The following RTL9 variants were observed in gnomAD, a reference collection of about 807,000 sequenced individuals.
The protein encoded by RTL9 is retrotransposon Gag like 9.
A neutral mutation model predicts 44.7 loss-of-function variants in RTL9; 19 were observed. The ratio of observed to expected loss-of-function variants is 0.42; its 90% CI spans 0.30 to 0.62. The LOEUF (loss-of-function observed/expected upper bound fraction) is 0.62. Ranked by LOEUF, RTL9 falls within the 20% of genes least tolerant of loss-of-function variation. The pLI is 0.16. For missense variants in RTL9, 1,105 were observed against 1,080.6 expected (o/e 1.02, Z -0.32); for synonymous variants, 407 against 398.9 (o/e 1.02, Z -0.24).
chrX:110,432,059 T>C (rs755799602), intron 1 of RTL9, among the ~76,000 whole-genome samples: 131 of 111,856 alleles, frequency 1.2e-3, no homozygotes, highest in Non-Finnish European at 1.9e-3. Flanking sequence ...ATTCAACATT[T>C]CTTGAGCTTT....
At chrX:110,363,823 A>G in intron 1 of RTL9, among the ~76,000 whole-genome samples, 1 of 111,410 alleles carries the variant, frequency 9.0e-6, no homozygotes, top group Non-Finnish European at 1.9e-5. Context: ...AGAGTCAAAC[A>G]CTTTACATAA....
In RTL9 at chrX:110,455,252, C is replaced by A. The variant is rs139057034; in HGVS notation, c.4098C>A (p.Pro1366=). 1.9e-3 allele frequency: 2,322 copies of A among 1,207,089 alleles called. 3 individuals carry two copies. Among genetic ancestry groups the A allele is most frequent in the Non-Finnish European group, 2.4e-3 (2,101 of 893,668 alleles). ...ACTACCTGAAAGAGCATGGAGACCC[C>A]CAAGAAGGTCTTCATGATCACCTTG... The change falls in exon 2 of 2, where the codon CCC becomes CCA. Residue 1366 remains proline (P), a synonymous_variant. Transcript: ENST00000540313.
intron 1 of RTL9, among the ~76,000 whole-genome samples, chrX:110,382,553 T>C (rs545553700): frequency 4.5e-5 from 5 of 111,893 alleles, no homozygotes; most frequent in African/African-American, 1.6e-4. Flanking sequence ...TTTTGATATA[T>C]CATCCCAGTC....
At chrX:110,374,659 G>A (rs1216842892) in intron 1 of RTL9, among the ~76,000 whole-genome samples, 2 of 111,958 alleles carry the variant, frequency 1.8e-5, no homozygotes, top group African/African-American at 6.5e-5. Context: ...TGTTAAAGAA[G>A]GTTTCATAAA....
exon 1 of RTL9, chrX:110,453,852 C>A (rs2068963254): frequency 1.7e-6 from 2 of 1,209,929 alleles, no homozygotes; most frequent in East Asian, 5.9e-5. Flanking sequence ...GGCCTCAGGC[C>A]CTGGAACAAT....
chrX:110,453,741 A>G (rs774543726), exon 1 of RTL9: 2 of 1,211,511 alleles, frequency 1.7e-6, no homozygotes, highest in East Asian at 5.9e-5. Context: ...ATCGATGCCC[A>G]TGCCACTACC....
upstream of RTL9, among the ~76,000 whole-genome samples, chrX:110,447,806 A>G (rs1232476577): frequency 1.8e-5 from 2 of 111,041 alleles, no homozygotes; most frequent in African/African-American, 6.6e-5. Context: ...ACATCCCTAT[A>G]CCTAGGCTAC....
At chrX:110,397,059 C>G (rs759306230) in intron 1 of RTL9, among the ~76,000 whole-genome samples, 17 of 112,003 alleles carry the variant, frequency 1.5e-4, no homozygotes, top group Non-Finnish European at 3.2e-4. Context: ...TGCTCTCTGC[C>G]AAAGCAGATG....
At chrX:110,385,830 T>C (rs1341802905) in intron 1 of RTL9, among the ~76,000 whole-genome samples, 1 of 111,314 alleles carries the variant, frequency 9.0e-6, no homozygotes, top group Non-Finnish European at 1.9e-5. Context: ...TCCTCCCCTG[T>C]CTAGTAGTCT....
intron 1 of RTL9, among the ~76,000 whole-genome samples, chrX:110,425,263 G>A (rs1027845143): frequency 8.9e-6 from 1 of 112,733 alleles, no homozygotes; most frequent in Non-Finnish European, 1.9e-5. Flanking sequence ...AACCAAGGGA[G>A]TTAATGATGG....
intron 1 of RTL9, among the ~76,000 whole-genome samples, chrX:110,392,849 A>C (rs1215973346): frequency 8.9e-6 from 1 of 112,262 alleles, no homozygotes; most frequent in Non-Finnish European, 1.9e-5. Context: ...AAGGCAGGGA[A>C]GCATTAAAGA....
At chrX:110,417,286 A>G (rs2068684387), upstream of RTL9, among the ~76,000 whole-genome samples, 1 of 112,206 alleles carries the variant, frequency 8.9e-6, no homozygotes, top group African/African-American at 3.2e-5. Flanking sequence ...CCAGCTTGAA[A>G]GCTTCATTTG....
At chrX:110,408,387 G>A (rs189917297) in intron 1 of RTL9, among the ~76,000 whole-genome samples, 11 of 112,245 alleles carry the variant, frequency 9.8e-5, no homozygotes, top group African/African-American at 2.9e-4. Flanking sequence ...ACTGGAAATG[G>A]GGATGCTAGA....
At chrX:110,387,556 G>T (rs1475830625) in intron 1 of RTL9, among the ~76,000 whole-genome samples, 3 of 111,597 alleles carry the variant, frequency 2.7e-5, no homozygotes, top group Non-Finnish European at 5.6e-5. Context: ...TCTTAAGAGT[G>T]CATCTGTTTC....
At chrX:110,430,638 C>A (rs2068789571) in intron 1 of RTL9, among the ~76,000 whole-genome samples, 2 of 112,129 alleles carry the variant, frequency 1.8e-5, no homozygotes, top group South Asian at 7.5e-4. Flanking sequence ...ATAGTCCACA[C>A]CAGGCATGAA....
chrX:110,453,461 G>A (rs747640843), exon 1 of RTL9: 2 of 1,211,922 alleles, frequency 1.7e-6, no homozygotes, highest in Admixed American at 4.3e-5. Context: ...TCTCTGGAGG[G>A]ATGTCCAAGC....
chrX:110,376,256 T>C (rs886623275), intron 1 of RTL9, among the ~76,000 whole-genome samples: 1 of 111,224 alleles, frequency 9.0e-6, no homozygotes, highest in African/African-American at 3.3e-5. Flanking sequence ...TTCTCATCAC[T>C]AGAAGCAGGA....
chrX:110,451,223 G>C, exon 1 of RTL9: 2 of 1,211,565 alleles, frequency 1.7e-6, no homozygotes, highest in Non-Finnish European at 2.2e-6. Flanking sequence ...ATTCTGGAGA[G>C]TTATCCCCAA....
exon 1 of RTL9, chrX:110,453,734 G>A (rs1283488964): frequency 1.8e-5 from 22 of 1,209,149 alleles, no homozygotes; most frequent in Admixed American, 2.2e-5. Context: ...TTTCTGGATC[G>A]ATGCCCATGC....
Sources: gnomAD v4.1 joint callset for allele counts (sites outside exome capture counted in the v4.1 genomes callset) on GRCh38, gnomAD v4.1.1 for gene constraint, MANE v1.5 for transcripts, NCBI Gene and HGNC (gene_info 2026-07-23, HGNC 2026-07-21) for gene names.